Variants in GPR39 observed in about 807,000 individuals in gnomAD.
GPR39 encodes the protein G protein-coupled receptor 39.
A neutral mutation model predicts 18.4 loss-of-function variants in GPR39; 23 were observed. The observed-to-expected ratio is 1.25, with a 90% CI of 0.90 to 1.77. GPR39 has a LOEUF of 1.77. Among genes scored for constraint, GPR39 ranks in the 40% most tolerant of loss-of-function variants. The probability of loss-of-function intolerance (pLI) is 0.00; values close to 1 mark genes in which losing one functional copy is unlikely to be tolerated. For synonymous variants in GPR39, 280 were observed against 257.9 expected, an observed-to-expected ratio of 1.09 and a Z score of -0.82; for missense variants, 647 against 602.4, an observed-to-expected ratio of 1.07 and a Z score of -0.78.
In GPR39 at chr2:132,538,236, TTTG is replaced by T. The variant is rs917474278; in HGVS notation, c.857-106846_857-106844del. On this transcript the variant is annotated intron_variant, in intron 1 of 1. Transcript: ENST00000329321. ...GACCTTTAGATGAGGTTTTTGTATT[TTTG>T]TTGTTGTTGTTGTTGTTGATGTTGT... 8.5e-5 allele frequency among the ~76,000 whole-genome samples: 13 copies of T among 152,142 alleles called. No individual in the cohort carries two copies. The East Asian group carries it at 1.2e-3, about 14-fold the overall frequency.
chr2:132,512,883 A>G (rs1293886314), intron 1 of GPR39, among the ~76,000 whole-genome samples: 1 of 152,176 alleles, frequency 6.6e-6, no homozygotes, highest in Non-Finnish European at 1.5e-5. Context: ...CTTTCCAATT[A>G]ATATTTTCAT....
intron 1 of GPR39, among the ~76,000 whole-genome samples, chr2:132,567,072 C>T (rs1680361491): frequency 6.6e-6 from 1 of 152,142 alleles, no homozygotes; most frequent in African/African-American, 2.4e-5. Flanking sequence ...GTGGCTCATG[C>T]CTGTAATCCC....
At position 132,421,060 on chromosome 2, in the gene GPR39, G is replaced by T. The variant is rs578119410; in HGVS notation, c.856+3162G>T. Among the ~76,000 whole-genome samples, 45 of 152,332 alleles carry T rather than the reference G, an allele frequency of 3.0e-4. 1 individual carries two copies. In the South Asian group the frequency reaches 9.1e-3, roughly 31 times the overall value. On this transcript the variant is annotated intron_variant, in intron 1 of 1. Transcript: ENST00000329321. ...ATATTTGTCCGATGTCAGAACAGAG[G>T]TTGCTGGTCTGGATTTCTGCCTCTT...
chr2:132,593,221 T>C (rs1223779517), intron 1 of GPR39, among the ~76,000 whole-genome samples: 4 of 152,126 alleles, frequency 2.6e-5, no homozygotes, highest in Non-Finnish European at 5.9e-5. Flanking sequence ...CAGTGGCCAG[T>C]GTTCACTGGC....
intron 1 of GPR39, among the ~76,000 whole-genome samples, chr2:132,491,240 C>A (rs1438857958): frequency 6.6e-6 from 1 of 152,120 alleles, no homozygotes; most frequent in East Asian, 1.9e-4. Context: ...ACTGATCATT[C>A]ACAAGTGCCC....
intron 1 of GPR39, among the ~76,000 whole-genome samples, chr2:132,551,389 C>T (rs1680041169): frequency 6.6e-6 from 1 of 152,164 alleles, no homozygotes; most frequent in African/African-American, 2.4e-5. Context: ...CCCTTATAGG[C>T]TTAGATTAGT....
At position 132,524,688 on chromosome 2, in the gene GPR39, A is replaced by G. The variant is rs1440390861; in HGVS notation, c.856+106790A>G. 2.0e-5 allele frequency among the ~76,000 whole-genome samples: 3 copies of G among 152,184 alleles called. No individual in the cohort carries two copies. In the South Asian group the frequency reaches 6.2e-4, roughly 32 times the overall value. On this transcript the variant is annotated intron_variant, in intron 1 of 1. Transcript: ENST00000329321. ...TACAAGATACCCAGAGAATAAATCC[A>G]AAGTCTATCCTGAAACACCACAGCC...
intron 1 of GPR39, among the ~76,000 whole-genome samples, chr2:132,513,962 C>T (rs2104761008): frequency 6.6e-6 from 1 of 152,328 alleles, no homozygotes; most frequent in Middle Eastern, 3.4e-3. Context: ...GTTAAATTAT[C>T]TAATAGAGCT....
intron 1 of GPR39, among the ~76,000 whole-genome samples, chr2:132,436,308 G>A (rs972159283): frequency 2.0e-5 from 3 of 152,166 alleles, no homozygotes; most frequent in Admixed American, 2.0e-4. Flanking sequence ...GTGTCATCAA[G>A]CTCAGCTTTA....
At chr2:132,556,563 C>A (rs924979738) in intron 1 of GPR39, among the ~76,000 whole-genome samples, 1 of 152,118 alleles carries the variant, frequency 6.6e-6, no homozygotes, top group Admixed American at 6.5e-5. Context: ...ACCTTGTGCA[C>A]CAAACAAAGG....
rs561233554 is a variant in GPR39 at position 132,618,653 on chromosome 2, A to T, written c.857-26448A>T. 1.3e-3 allele frequency among the ~76,000 whole-genome samples: 195 copies of T among 152,306 alleles called. 1 individual carries two copies. Among genetic ancestry groups the T allele is most frequent in the African/African-American group, 4.6e-3 (192 of 41,572 alleles). On this transcript the variant is annotated intron_variant, in intron 1 of 1. Coordinates refer to ENST00000329321, the MANE Select transcript of GPR39 (RefSeq NM_001508.3). ...TCGGTGGTGCTTTGGGAGGCCACACATGCACCAGGGATGAAGCAGAGCCCC... is the reference window on the plus strand; with the variant it reads ...TCGGTGGTGCTTTGGGAGGCCACACTTGCACCAGGGATGAAGCAGAGCCCC...
At chr2:132,603,061 GT>G (rs981373698) in intron 1 of GPR39, among the ~76,000 whole-genome samples, 1 of 151,974 alleles carries the variant, frequency 6.6e-6, no homozygotes, top group Non-Finnish European at 1.5e-5. Context: ...AGGAATTCAG[GT>G]TATCAAAGAG....
chr2:132,570,116 G>A (rs1031009782), intron 1 of GPR39, among the ~76,000 whole-genome samples: 3 of 152,130 alleles, frequency 2.0e-5, no homozygotes, highest in African/African-American at 7.2e-5. Context: ...GGCTCCCCGG[G>A]AGCCCACTCA....
intron 1 of GPR39, among the ~76,000 whole-genome samples, chr2:132,450,550 G>A (rs568324258): frequency 7.4e-4 from 113 of 152,346 alleles, no homozygotes; most frequent in African/African-American, 2.7e-3. Context: ...CAGAAACAGT[G>A]CCAGGCACAG....
chr2:132,438,823 G>A (rs561779783), intron 1 of GPR39, among the ~76,000 whole-genome samples: 1 of 152,066 alleles, frequency 6.6e-6, no homozygotes, highest in Non-Finnish European at 1.5e-5. Flanking sequence ...GGTACACAGG[G>A]CCCAAGCCCT....
chr2:132,532,744 A>G (rs1268116129), intron 1 of GPR39, among the ~76,000 whole-genome samples: 3 of 152,150 alleles, frequency 2.0e-5, no homozygotes, highest in African/African-American at 7.2e-5. Flanking sequence ...AAGACAAAAA[A>G]CACTTGATTA....
intron 1 of GPR39, among the ~76,000 whole-genome samples, chr2:132,472,722 C>A (rs991616290): frequency 2.6e-5 from 4 of 152,054 alleles, no homozygotes; most frequent in African/African-American, 9.7e-5. Context: ...AGTCTAGTAC[C>A]AAATATACCA....
At chr2:132,614,622 C>G (rs1011245826) in intron 1 of GPR39, among the ~76,000 whole-genome samples, 2 of 151,926 alleles carry the variant, frequency 1.3e-5, no homozygotes, top group African/African-American at 4.8e-5. Flanking sequence ...GCTGTCTCGG[C>G]TCACTGCAAC....
At chr2:132,499,508 G>T (rs539698591) in intron 1 of GPR39, among the ~76,000 whole-genome samples, 43 of 151,610 alleles carry the variant, frequency 2.8e-4, no homozygotes, top group African/African-American at 3.9e-4. Flanking sequence ...GGTTTTTTTT[G>T]TTGTTGTTGT....
Sources: gnomAD v4.1 joint callset for allele counts (sites outside exome capture counted in the v4.1 genomes callset) on GRCh38, gnomAD v4.1.1 for gene constraint, MANE v1.5 for transcripts, NCBI Gene and HGNC (gene_info 2026-07-23, HGNC 2026-07-21) for gene names.